Variants in THRAP3 observed in about 807,000 individuals in gnomAD.
THRAP3 encodes thyroid hormone receptor-associated protein 3.
In THRAP3, 16 loss-of-function variants were observed where a neutral mutation model predicts 101.0. The observed-to-expected ratio is 0.16, with a 90% CI of 0.11 to 0.24. THRAP3 has a LOEUF of 0.24. Ranked by LOEUF, THRAP3 falls within the 10% of genes least tolerant of loss-of-function variation. The pLI is 1.00. For synonymous variants in THRAP3, 407 were observed against 422.6 expected (o/e 0.96, Z 0.45); for missense variants, 989 against 1,202.7 (o/e 0.82, Z 2.63).
chr1:36,251,819 T>C (rs928925217), intron 1 of THRAP3, among the ~76,000 whole-genome samples: 1 of 152,232 alleles, frequency 6.6e-6, no homozygotes, highest in African/African-American at 2.4e-5. Context: ...TCAACAACAC[T>C]GTGAAGTAGG....
chr1:36,274,072 TGTGTCACACACA>T (rs1184771046), intron 2 of THRAP3, among the ~76,000 whole-genome samples: 39 of 21,534 alleles, frequency 1.8e-3, no homozygotes, highest in Admixed American at 4.3e-3. Flanking sequence ...TGTGTGTGTG[TGTGTCACACACA>T]CACACACACA....
chr1:36,240,830 T>C (rs987598413), intron 1 of THRAP3, among the ~76,000 whole-genome samples: 53 of 152,336 alleles, frequency 3.5e-4, no homozygotes, highest in African/African-American at 1.3e-3. Flanking sequence ...TTATTTTACC[T>C]GCTACTTTAA....
intron 2 of THRAP3, among the ~76,000 whole-genome samples, chr1:36,267,258 G>C (rs373519579): frequency 6.6e-6 from 1 of 152,162 alleles, no homozygotes; most frequent in African/African-American, 2.4e-5. Context: ...GTGGGTGAGG[G>C]TGATTCTCCT....
chr1:36,258,342 A>G (rs1176556324), intron 1 of THRAP3, among the ~76,000 whole-genome samples: 1 of 152,232 alleles, frequency 6.6e-6, no homozygotes, highest in Non-Finnish European at 1.5e-5. Flanking sequence ...GAAGACATGA[A>G]AAAGTATTTT....
At chr1:36,269,579 G>A (rs1474078523) in intron 2 of THRAP3, among the ~76,000 whole-genome samples, 5 of 152,086 alleles carry the variant, frequency 3.3e-5, no homozygotes, top group African/African-American at 1.2e-4. Context: ...CTTTTTAGAT[G>A]TATTTGCAGA....
At position 36,292,613 on chromosome 1, in the gene THRAP3, C is replaced by T. The variant is rs774070082; in HGVS notation, c.1934C>T (p.Ser645Phe). 2 of 1,613,072 alleles carry T rather than the reference C, an allele frequency of 1.2e-6. No homozygotes were observed. The highest frequency in any genetic ancestry group is 1.3e-5 in the African/African-American group (1 of 74,904). ...ATCCCAACAGAGCATCACTTTGGGT[C>T]CTCAGGAATGACATTACATGAACGC... ...VHHVKEHHFG[S>F]SGMTLHERFT... The change falls in exon 7 of 12, where the codon TCC (serine) becomes TTC (phenylalanine). Residue 645 changes from serine (S) to phenylalanine (F), a missense_variant. Physicochemically the swap from Ser to Phe is radical, Grantham distance 155. Coordinates refer to ENST00000354618, the MANE Select transcript of THRAP3 (RefSeq NM_005119.4).
At chr1:36,282,231 CTCTCTTT>C (rs1645741346) in intron 2 of THRAP3, among the ~76,000 whole-genome samples, 1 of 116,586 alleles carries the variant, frequency 8.6e-6, no homozygotes, top group Non-Finnish European at 2.2e-5. Context: ...CAGCCACTTT[CTCTCTTT>C]TTTTTTTTTT....
chr1:36,242,752 C>G (rs1042515514), intron 1 of THRAP3, among the ~76,000 whole-genome samples: 1 of 152,130 alleles, frequency 6.6e-6, no homozygotes, highest in African/African-American at 2.4e-5. Context: ...CGCCCACCCT[C>G]TGTTTTGATT....
chr1:36,266,943 C>T (rs755591176), intron 2 of THRAP3, among the ~76,000 whole-genome samples: 17 of 151,930 alleles, frequency 1.1e-4, no homozygotes, highest in Non-Finnish European at 2.2e-4. Context: ...TGCAGTGGCA[C>T]GATCTTGGCT....
intron 1 of THRAP3, among the ~76,000 whole-genome samples, chr1:36,238,649 T>A (rs548691426): frequency 3.3e-5 from 5 of 152,074 alleles, no homozygotes; most frequent in Admixed American, 1.3e-4. Context: ...AAATGGACTT[T>A]TAGTCAGCAA....
At chr1:36,251,329 G>T (rs1260520536) in intron 1 of THRAP3, among the ~76,000 whole-genome samples, 2 of 152,252 alleles carry the variant, frequency 1.3e-5, no homozygotes, top group Non-Finnish European at 2.9e-5. Flanking sequence ...ACTGGACCGG[G>T]ATAACTCAGA....
At chr1:36,228,543 C>T (rs1243774969) in intron 1 of THRAP3, among the ~76,000 whole-genome samples, 1 of 152,096 alleles carries the variant, frequency 6.6e-6, no homozygotes, top group Non-Finnish European at 1.5e-5. Flanking sequence ...TTAGTAGAGA[C>T]GGGGTTTTGC....
intron 1 of THRAP3, among the ~76,000 whole-genome samples, chr1:36,227,605 G>A (rs573361596): frequency 5.7e-4 from 87 of 152,142 alleles, no homozygotes; most frequent in South Asian, 1.0e-3. Flanking sequence ...AGGGAGGAAG[G>A]AAGGGGTTTC....
At chr1:36,288,416 A>G (rs1374394507) in intron 4 of THRAP3, 1 of 985,296 alleles carries the variant, frequency 1.0e-6, no homozygotes, top group African/African-American at 1.7e-5. Context: ...GTTTTGTTCC[A>G]TGCCAGGACT....
At chr1:36,270,571 G>GTTTTTTTTTTTTTTTTTTT in intron 2 of THRAP3, among the ~76,000 whole-genome samples, 1 of 31,870 alleles carries the variant, frequency 3.1e-5, no homozygotes, top group Non-Finnish European at 7.9e-5. Context: ...ATTTGTTTAG[G>GTTTTTTTTTTTTTTTTTTT]TTTTTGTTTT....
At chr1:36,267,176 G>A (rs546650992) in intron 2 of THRAP3, among the ~76,000 whole-genome samples, 19 of 152,102 alleles carry the variant, frequency 1.2e-4, no homozygotes, top group Middle Eastern at 3.4e-3. Flanking sequence ...GAGCCACCGC[G>A]CCCTGCCTAT....
chr1:36,291,557 AC>A lies in THRAP3; in HGVS notation c.1918+14del, dbSNP rs1282323867. The A allele has an allele frequency of 6.2e-7, 1 of 1,611,644 alleles. No individual in the cohort carries two copies. The highest frequency in any genetic ancestry group is 2.2e-5 in the East Asian group (1 of 44,840). ...TTCACCATGTTAAAGGTGAGTCCAG[AC>A]CCTGGCCTGCTTCAGGCTCGTGTTC... On this transcript the variant is annotated intron_variant, in intron 6 of 11. Transcript: ENST00000354618.
the THRAP3 span, among the ~76,000 whole-genome samples, chr1:36,208,385 G>A: frequency 6.6e-6 from 1 of 152,150 alleles, no homozygotes; most frequent in African/African-American, 2.4e-5. Flanking sequence ...GGGTGGGAAT[G>A]TGAAGTCAGA....
intron 1 of THRAP3, among the ~76,000 whole-genome samples, chr1:36,225,738 A>G (rs1644954841): frequency 6.6e-6 from 1 of 152,210 alleles, no homozygotes; most frequent in South Asian, 2.1e-4. Flanking sequence ...TAAATAGCCA[A>G]AACCGGCTCC....
Sources: allele counts gnomAD v4.1 joint callset (sites outside exome capture counted in the v4.1 genomes callset), GRCh38; gene constraint gnomAD v4.1.1; transcripts MANE v1.5; gene names NCBI Gene and HGNC (gene_info 2026-07-23, HGNC 2026-07-21).